The following MTHFD1L variants were observed in gnomAD, a reference collection of about 807,000 sequenced individuals.
MTHFD1L encodes monofunctional C1-tetrahydrofolate synthase, mitochondrial.
Under a neutral mutation model 119.5 loss-of-function variants are expected in MTHFD1L, and 81 were observed. That is an observed-to-expected ratio of 0.68 (90% CI 0.57 to 0.82). The LOEUF (loss-of-function observed/expected upper bound fraction) is 0.82. MTHFD1L is among the 40% of genes least tolerant of loss of function. The pLI is 0.00. For missense variants in MTHFD1L, 1,125 were observed against 1,253.4 expected, an observed-to-expected ratio of 0.90 and a Z score of 1.55; for synonymous variants, 430 against 475.2, an observed-to-expected ratio of 0.90 and a Z score of 1.24.
chr6:150,868,990 G>T (rs1034939567), intron 1 of MTHFD1L, among the ~76,000 whole-genome samples: 1 of 152,160 alleles, frequency 6.6e-6, no homozygotes, highest in Admixed American at 6.5e-5. Context: ...GAGCCCAGGA[G>T]GTCAAGGCTA....
intron 20 of MTHFD1L, among the ~76,000 whole-genome samples, chr6:150,986,860 C>G (rs963098543): frequency 1.2e-4 from 19 of 152,054 alleles, no homozygotes; most frequent in Admixed American, 6.6e-4. Flanking sequence ...ATCTACCATG[C>G]CCAGTTAATT....
intron 8 of MTHFD1L, among the ~76,000 whole-genome samples, chr6:150,916,319 T>TC (rs1554245135): frequency 9.3e-5 from 13 of 139,806 alleles, no homozygotes; most frequent in African/African-American, 3.4e-4. Flanking sequence ...TTTTTTTTTT[T>TC]CAGATAGAGT....
chr6:151,032,722 C>T (rs972078823), intron 24 of MTHFD1L, among the ~76,000 whole-genome samples: 2 of 152,204 alleles, frequency 1.3e-5, no homozygotes, highest in Non-Finnish European at 2.9e-5. Flanking sequence ...AACTATTTTC[C>T]TCCATTGACT....
intron 26 of MTHFD1L, among the ~76,000 whole-genome samples, chr6:151,060,602 T>C (rs1386564561): frequency 1.3e-5 from 2 of 152,122 alleles, no homozygotes; most frequent in Admixed American, 1.3e-4. Context: ...AGCCGGATCA[T>C]GAAGGACGAG....
chr6:151,010,053 T>C, intron 21 of MTHFD1L, 95 bp downstream of exon 21: 5 of 1,385,676 alleles, frequency 3.6e-6, no homozygotes, highest in Non-Finnish European at 4.8e-6. Flanking sequence ...TTAATGACTA[T>C]AGTTTTCTAG....
intron 20 of MTHFD1L, among the ~76,000 whole-genome samples, chr6:150,993,540 G>A (rs918291109): frequency 1.3e-5 from 2 of 152,066 alleles, no homozygotes; most frequent in African/African-American, 4.8e-5. Context: ...TTGAACTCCT[G>A]GCCTTAAGTG....
intron 1 of MTHFD1L, chr6:150,866,329 C>T (rs1156651579): frequency 6.9e-7 from 1 of 1,454,624 alleles, no homozygotes; most frequent in Non-Finnish European, 9.0e-7. Flanking sequence ...GCACGCCCGG[C>T]TCCACGTGCG....
chr6:150,983,555 T>C (rs1777843876), intron 20 of MTHFD1L, among the ~76,000 whole-genome samples: 1 of 152,122 alleles, frequency 6.6e-6, no homozygotes, highest in African/African-American at 2.4e-5. Flanking sequence ...CGAGTGCAGA[T>C]GGGGCCAGCT....
intron 17 of MTHFD1L, among the ~76,000 whole-genome samples, 163 bp downstream of exon 17, chr6:150,956,234 A>G (rs1017862119): frequency 6.6e-6 from 1 of 152,032 alleles, no homozygotes; most frequent in African/African-American, 2.4e-5. Context: ...ATCAGAAGAC[A>G]TAGAGGCTCC....
At chr6:151,091,048 C>T (rs1158926737) in intron 26 of MTHFD1L, among the ~76,000 whole-genome samples, 40 of 143,898 alleles carry the variant, frequency 2.8e-4, no homozygotes, top group African/African-American at 7.3e-4. Flanking sequence ...AGCATCGCCC[C>T]ATGCGACTGG....
chr6:150,972,072 T>C lies in MTHFD1L; in HGVS notation c.2125+14T>C. On this transcript the variant is annotated intron_variant, in intron 20 of 27. Coordinates refer to ENST00000367321, the MANE Select transcript of MTHFD1L (RefSeq NM_015440.5). ...AAGGATTTGTAGGTAAGTTATTTCT[T>C]TTAAATTTAGTTGTTGTAGAATATT... 1.2e-6 allele frequency: 2 copies of C among 1,602,888 alleles called. No individual in the cohort carries two copies. Among genetic ancestry groups the C allele is most frequent in the Non-Finnish European group, 1.7e-6 (2 of 1,169,950 alleles).
At chr6:151,093,755 A>G (rs566413498) in intron 27 of MTHFD1L, among the ~76,000 whole-genome samples, 83 of 152,198 alleles carry the variant, frequency 5.5e-4, no homozygotes, top group African/African-American at 1.9e-3. Context: ...TGTGTGGCAC[A>G]ACAGGTGTGT....
At chr6:150,934,807 C>T (rs1036031162) in intron 11 of MTHFD1L, among the ~76,000 whole-genome samples, 4 of 152,248 alleles carry the variant, frequency 2.6e-5, no homozygotes, top group East Asian at 1.9e-4. Flanking sequence ...GCTGGAAGGA[C>T]GTGGGGTGCT....
chr6:151,032,044 G>A (rs1223654223), intron 24 of MTHFD1L, among the ~76,000 whole-genome samples: 1 of 152,156 alleles, frequency 6.6e-6, no homozygotes, highest in African/African-American at 2.4e-5. Flanking sequence ...AGTACCCATG[G>A]AATTTATTAG....
At chr6:151,090,006 G>A (rs1208989098) in intron 26 of MTHFD1L, among the ~76,000 whole-genome samples, 6 of 152,244 alleles carry the variant, frequency 3.9e-5, no homozygotes, top group Non-Finnish European at 5.9e-5. Context: ...ATGAACGGCA[G>A]CTGTATTCCA....
chr6:151,078,752 A>T (rs945127971), intron 26 of MTHFD1L, among the ~76,000 whole-genome samples: 3 of 152,058 alleles, frequency 2.0e-5, no homozygotes, highest in African/African-American at 7.3e-5. Context: ...AATCTGTTAG[A>T]TGAAGTGACC....
At chr6:150,876,033 C>A in intron 1 of MTHFD1L, 57 bp from the exon 2 acceptor site, 1 of 1,312,694 alleles carries the variant, frequency 7.6e-7, no homozygotes, top group South Asian at 1.3e-5. Context: ...TGTGTTGTGT[C>A]AGTCCTTTCT....
At chr6:151,052,494 C>T (rs144006754) in intron 26 of MTHFD1L, among the ~76,000 whole-genome samples, 1 of 152,264 alleles carries the variant, frequency 6.6e-6, no homozygotes, top group East Asian at 1.9e-4. Flanking sequence ...TGCTTCTCTA[C>T]CCAGGAGTGC....
chr6:151,084,530 C>T (rs544991858), intron 26 of MTHFD1L, among the ~76,000 whole-genome samples: 13 of 152,328 alleles, frequency 8.5e-5, no homozygotes, highest in Middle Eastern at 3.4e-3. Context: ...CCTCCCACCT[C>T]GGCTTCCCAA....
Sources: gnomAD v4.1 joint callset for allele counts (sites outside exome capture counted in the v4.1 genomes callset) on GRCh38, gnomAD v4.1.1 for gene constraint, MANE v1.5 for transcripts, NCBI Gene and HGNC (gene_info 2026-07-23, HGNC 2026-07-21) for gene names.